The following FMN2 variants were observed in gnomAD, a reference collection of about 807,000 sequenced individuals.
FMN2 encodes formin 2.
A neutral mutation model predicts 142.3 loss-of-function variants in FMN2; 51 were observed. That is an observed-to-expected ratio of 0.36 (90% CI 0.29 to 0.45). The LOEUF (loss-of-function observed/expected upper bound fraction) is 0.45. Ranked by LOEUF, FMN2 falls within the 20% of genes least tolerant of loss-of-function variation. The probability of loss-of-function intolerance (pLI) is 1.00; values close to 1 mark genes in which losing one functional copy is unlikely to be tolerated. For missense variants in FMN2, 1,936 were observed against 2,122.8 expected (o/e 0.91, Z 1.73); for synonymous variants, 882 against 869.8 (o/e 1.01, Z -0.25).
intron 15 of FMN2, among the ~76,000 whole-genome samples, chr1:240,417,959 C>T (rs1674632839): frequency 1.3e-5 from 2 of 152,016 alleles, no homozygotes; most frequent in Middle Eastern, 6.8e-3. Context: ...TATACAATGT[C>T]CTTTTTTATT....
chr1:240,211,131 C>T lies in FMN2; in HGVS notation c.3961C>T (p.Pro1321Ser), dbSNP rs199721402. The T allele has an allele frequency of 4.3e-6, 7 of 1,613,018 alleles. No homozygotes were observed. Among genetic ancestry groups the T allele is most frequent in the Admixed American group, 1.7e-5 (1 of 59,930 alleles). Residue 1321 changes from proline to serine, a missense_variant, in exon 6 of 18, where the codon CCA becomes TCA. Pro to Ser is a moderately conservative substitution (Grantham distance 74). Around this residue, in one of 8 missense-constraint regions of FMN2, gnomAD observed 259 missense variants for 230.9 expected, o/e 1.12. Coordinates refer to ENST00000319653, the MANE Select transcript of FMN2 (RefSeq NM_020066.5). ...ACTTATTTGGGAAAAAATTGAAGAG[C>T]CATCCATAGATTGTCATGAATTTGA... Reference protein sequence around the residue: ...TSLIWEKIEEPSIDCHEFEEL... With the variant: ...TSLIWEKIEESSIDCHEFEEL...
In FMN2 at chr1:240,091,955, G is replaced by C. The variant is rs1171571468; in HGVS notation, c.-155G>C. 2 of 1,275,772 alleles carry C rather than the reference G, an allele frequency of 1.6e-6. No homozygotes were observed. The highest frequency in any genetic ancestry group is 6.2e-5 in the East Asian group (2 of 32,504). The allele number at this position is 1,275,772 out of a possible 1,614,324, so 79.0% of individuals were successfully genotyped here. A position where few individuals can be genotyped will look rare whatever the true frequency, so the allele number is the denominator to read the frequency against. The stretch of plus-strand genomic sequence containing the variant: ...TGCAAAGCGGCGGCAGATGCGAGCG[G>C]GGCCAGCCGGGCGCGCGTCGGCCTC... On this transcript the variant is annotated 5_prime_UTR_variant, in exon 1 of 18. Transcript: ENST00000319653.
chr1:240,314,240 G>C (rs1274489071), intron 8 of FMN2, among the ~76,000 whole-genome samples: 6 of 152,078 alleles, frequency 3.9e-5, no homozygotes, highest in Non-Finnish European at 8.8e-5. Context: ...CCTTAAAAAA[G>C]GGGGAGTAGA....
intron 15 of FMN2, among the ~76,000 whole-genome samples, chr1:240,397,949 GA>G (rs1286486024): frequency 1.3e-5 from 2 of 150,690 alleles, no homozygotes; most frequent in African/African-American, 2.4e-5. Flanking sequence ...TAGCCTTGAG[GA>G]AAAAATGTAT....
intron 3 of FMN2, among the ~76,000 whole-genome samples, chr1:240,182,004 G>A (rs115170795): frequency 1.2e-3 from 185 of 152,232 alleles, no homozygotes; most frequent in African/African-American, 4.2e-3. Flanking sequence ...AGAATTTCAA[G>A]ACTTTCTGGC....
intron 6 of FMN2, among the ~76,000 whole-genome samples, chr1:240,218,600 A>T (rs1223308531): frequency 2.0e-5 from 3 of 152,010 alleles, no homozygotes; most frequent in Non-Finnish European, 4.4e-5. Flanking sequence ...GGAGCAGATG[A>T]TGGGAGAGTG....
intron 16 of FMN2, among the ~76,000 whole-genome samples, chr1:240,439,452 A>G (rs1192750278): frequency 6.6e-6 from 1 of 152,138 alleles, no homozygotes; most frequent in African/African-American, 2.4e-5. Flanking sequence ...AGATGAATTA[A>G]TTGGTTACAT....
intron 7 of FMN2, among the ~76,000 whole-genome samples, chr1:240,269,955 C>G (rs555988017): frequency 1.8e-4 from 27 of 151,966 alleles, no homozygotes; most frequent in African/African-American, 5.8e-4. Context: ...TTTCTATATA[C>G]AAGATTATGT....
At chr1:240,391,749 A>G (rs1337415921) in intron 14 of FMN2, among the ~76,000 whole-genome samples, 2 of 152,068 alleles carry the variant, frequency 1.3e-5, no homozygotes, top group African/African-American at 4.8e-5. Flanking sequence ...CAGGTCAAAC[A>G]TATATTAATA....
At chr1:240,217,488 C>T (rs1353895457) in intron 6 of FMN2, among the ~76,000 whole-genome samples, 1 of 152,086 alleles carries the variant, frequency 6.6e-6, no homozygotes, top group Non-Finnish European at 1.5e-5. Flanking sequence ...TTTGGGGATA[C>T]ATAATAAACA....
chr1:240,329,644 C>A (rs1229110548), intron 10 of FMN2, among the ~76,000 whole-genome samples, 176 bp downstream of exon 10: 4 of 152,076 alleles, frequency 2.6e-5, no homozygotes, highest in African/African-American at 9.7e-5. Context: ...GTAAATGTTC[C>A]GGCGGGCGCC....
At chr1:240,168,199 C>T (rs1178239053) in intron 2 of FMN2, among the ~76,000 whole-genome samples, 3 of 152,092 alleles carry the variant, frequency 2.0e-5, no homozygotes, top group Admixed American at 6.6e-5. Flanking sequence ...AACGCAAACC[C>T]AGATATTGTG....
Position 240,439,270 on chromosome 1 carries a change from C to CAAAAAAAA in FMN2, c.5060+1065_5060+1072dup, listed in dbSNP as rs58234038. 4.8e-3 allele frequency among the ~76,000 whole-genome samples: 482 copies of CAAAAAAAA among 101,142 alleles called. 8 individuals are homozygous for CAAAAAAAA. The highest frequency in any genetic ancestry group is 0.019 in the African/African-American group (422 of 22,064). 66.4% of individuals were successfully genotyped at this position (101,142 alleles called of 152,430 possible). A position where few individuals can be genotyped will look rare whatever the true frequency, so the allele number is the denominator to read the frequency against. ...CCTGGACAACAGAGCAAGGCTGTCT[C>CAAAAAAAA]AAAAAAAAAAAAGAAAGAAAGAAAG... On this transcript the variant is annotated intron_variant, in intron 16 of 17. Transcript: ENST00000319653.
chr1:240,226,234 C>G (rs1667293345), intron 6 of FMN2, among the ~76,000 whole-genome samples: 1 of 152,104 alleles, frequency 6.6e-6, no homozygotes, highest in Non-Finnish European at 1.5e-5. Flanking sequence ...AGATCCACAC[C>G]CCCTATATCA....
intron 7 of FMN2, among the ~76,000 whole-genome samples, chr1:240,285,913 C>A (rs112097767): frequency 6.6e-6 from 1 of 151,768 alleles, no homozygotes; most frequent in Non-Finnish European, 1.5e-5. Flanking sequence ...TTTTTTCCCC[C>A]GCTCTGGTTT....
chr1:240,399,437 G>T (rs992014173), intron 15 of FMN2, among the ~76,000 whole-genome samples: 5 of 152,138 alleles, frequency 3.3e-5, no homozygotes, highest in Non-Finnish European at 7.4e-5. Context: ...CTAAATCATG[G>T]TAAGAACAGT....
chr1:240,203,451 A>T (rs1666206032), intron 4 of FMN2, among the ~76,000 whole-genome samples: 1 of 152,222 alleles, frequency 6.6e-6, no homozygotes, highest in Non-Finnish European at 1.5e-5. Context: ...AAATGTGGAT[A>T]TATACACCAT....
intron 15 of FMN2, among the ~76,000 whole-genome samples, chr1:240,426,018 C>T (rs748616414): frequency 6.6e-6 from 1 of 152,118 alleles, no homozygotes; most frequent in Admixed American, 6.5e-5. Flanking sequence ...AATACTTGAA[C>T]GAGAGTAAAT....
chr1:240,224,811 A>T (rs2103429502), intron 6 of FMN2, among the ~76,000 whole-genome samples: 1 of 152,242 alleles, frequency 6.6e-6, no homozygotes, highest in Non-Finnish European at 1.5e-5. Flanking sequence ...CTGGCTGACT[A>T]AAATTAGAGG....
Sources: gnomAD v4.1 joint callset for allele counts (sites outside exome capture counted in the v4.1 genomes callset) on GRCh38, gnomAD v4.1.1 for gene constraint, gnomAD v4.1.1 regional missense constraint, MANE v1.5 for transcripts, NCBI Gene and HGNC (gene_info 2026-07-23, HGNC 2026-07-21) for gene names.